SIGLEC12: variants seen among roughly 807,000 people sequenced by gnomAD.
SIGLEC12 encodes the protein sialic acid binding Ig like lectin 12.
SIGLEC12 carries 43 observed loss-of-function variants against 54.1 expected under a neutral mutation model. The observed-to-expected ratio is 0.80, with a 90% confidence interval of 0.62 to 1.03. The LOEUF is 1.03. Ranked by LOEUF, SIGLEC12 falls within the 50% of genes least tolerant of loss-of-function variation. SIGLEC12 has a pLI of 0.00. For synonymous variants in SIGLEC12, 357 were observed against 307.6 expected, an observed-to-expected ratio of 1.16 and a Z score of -1.68; for missense variants, 802 against 735.2, an observed-to-expected ratio of 1.09 and a Z score of -1.05.
chr19:51,499,172 G>T lies in SIGLEC12; in HGVS notation c.1133C>A (p.Thr378Lys). 6.2e-7 allele frequency: 1 copy of T among 1,614,024 alleles called. No individual in the cohort carries two copies. Among genetic ancestry groups the T allele is most frequent in the Non-Finnish European group, 8.5e-7 (1 of 1,179,906 alleles). The change falls in exon 4 of 8, where the codon ACA becomes AAA. Residue 378 changes from threonine (T) to lysine (K), a missense_variant and splice_region_variant. Thr to Lys is a moderately conservative substitution (Grantham distance 78). Coordinates refer to ENST00000291707, the MANE Select transcript of SIGLEC12 (RefSeq NM_053003.4). ...LTMTVFQGDG[T>K]ASTTLRNGSA... ...CCAGGGAGAGGACTCCATCTTACCT[G>T]TGCCATCTCCTTGGAAGACAGTCAT...
Position 51,499,602 on chromosome 19 carries a change from G to T in SIGLEC12, c.923C>A (p.Thr308Asn). 6.2e-7 allele frequency: 1 copy of T among 1,613,254 alleles called. No homozygotes were observed. The highest frequency in any genetic ancestry group is 8.5e-7 in the Non-Finnish European group (1 of 1,179,608). Reference protein sequence around the residue: ...ACEQGTPPTITWMGASVSSLD... With the variant: ...ACEQGTPPTINWMGASVSSLD... The stretch of plus-strand genomic sequence containing the variant: ...GGAGGACACGGAGGCCCCCATCCAG[G>T]TGATCGTGGGGGGCGTCCCCTGTTC... The change falls in exon 3 of 8, where the codon ACC becomes AAC. Residue 308 changes from threonine to asparagine, a missense_variant. Transcript: ENST00000291707.
At chr19:51,496,034 T>C (rs1411798783) in intron 7 of SIGLEC12, among the ~76,000 whole-genome samples, 2 of 151,852 alleles carry the variant, frequency 1.3e-5, no homozygotes, top group Non-Finnish European at 2.9e-5. Context: ...GAGGCAGGAG[T>C]GGCTGGAGGC....
chr19:51,500,442 T>C, intron 1 of SIGLEC12, 142 bp from the exon 2 acceptor site: 1 of 1,481,102 alleles, frequency 6.8e-7, no homozygotes, highest in East Asian at 2.4e-5. Flanking sequence ...GGGGCAGGGC[T>C]GTGGGACCCA....
Position 51,497,973 on chromosome 19 carries a change from G to C in SIGLEC12, c.1405+45C>G, listed in dbSNP as rs1166370646. 3 of 1,605,720 alleles carry C rather than the reference G, an allele frequency of 1.9e-6. No homozygotes were observed. In the Admixed American group the frequency reaches 5.1e-5, roughly 27 times the overall value. ...CCAGGTCTCCCAGCTGGACCCTGAG[G>C]GTGGGACATGTGTGTTCTCCTCCTC... On this transcript the variant is annotated intron_variant, in intron 5 of 7. Transcript: ENST00000291707.
intron 6 of SIGLEC12, among the ~76,000 whole-genome samples, 153 bp downstream of exon 6, chr19:51,497,196 G>T (rs1172619512): frequency 1.3e-5 from 2 of 152,150 alleles, no homozygotes; most frequent in Admixed American, 6.5e-5. Flanking sequence ...ACAAACAGGG[G>T]CGCTCATGAA....
At chr19:51,496,420 G>A (rs1045350245) in intron 7 of SIGLEC12, among the ~76,000 whole-genome samples, 6 of 152,078 alleles carry the variant, frequency 3.9e-5, no homozygotes, top group African/African-American at 9.7e-5. Flanking sequence ...AGCTGAGATC[G>A]CACCATCGCA....
rs759207067 is a variant in SIGLEC12 at position 51,500,060 on chromosome 19, A to G, written c.668T>C (p.Leu223Pro). 8.1e-6 allele frequency: 13 copies of G among 1,614,000 alleles called. No homozygotes were observed. In the Admixed American group the frequency reaches 1.7e-4, roughly 21 times the overall value. ...QEDTHGRFLL[L>P]GDPQTNNCSL... Reference sequence around the variant, plus strand: ...GCAGTTGTTGGTCTGTGGGTCCCCAAGGAGGAGGAATCGACCGTGGGTATC... The same window carrying G: ...GCAGTTGTTGGTCTGTGGGTCCCCAGGGAGGAGGAATCGACCGTGGGTATC... The change falls in exon 2 of 8, where the codon CTT becomes CCT. Residue 223 changes from leucine (L) to proline (P), a missense_variant. Physicochemically the swap from Leu to Pro is moderately conservative, Grantham distance 98. Transcript: ENST00000291707.
chr19:51,497,688 C>T (rs778380998), intron 5 of SIGLEC12, among the ~76,000 whole-genome samples: 4 of 152,174 alleles, frequency 2.6e-5, no homozygotes, highest in South Asian at 4.1e-4. Context: ...TTTTAATTTT[C>T]GAAAAGATAA....
At position 51,499,720 on chromosome 19, in the gene SIGLEC12, G is replaced by C; in HGVS notation, c.809-4C>G. 1 of 1,613,602 alleles carries C rather than the reference G, an allele frequency of 6.2e-7. No homozygotes were observed. Among genetic ancestry groups the C allele is most frequent in the Non-Finnish European group, 8.5e-7 (1 of 1,179,788 alleles). On this transcript the variant is annotated splice_region_variant and splice_polypyrimidine_tract_variant and intron_variant, in intron 2 of 7. Coordinates refer to ENST00000291707, the MANE Select transcript of SIGLEC12 (RefSeq NM_053003.4). ...AAGGTGGGCATGTGAGTCAGGGCTG[G>C]TGATGAAAGGGAGACAGGCAAAATG...
intron 7 of SIGLEC12, among the ~76,000 whole-genome samples, chr19:51,493,950 G>T (rs183338283): frequency 4.1e-4 from 62 of 152,328 alleles, no homozygotes; most frequent in African/African-American, 1.4e-3. Flanking sequence ...AGCCAGACAC[G>T]ATTCACACAC....
At chr19:51,498,804 C>T (rs1249726718) in intron 4 of SIGLEC12, among the ~76,000 whole-genome samples, 4 of 152,110 alleles carry the variant, frequency 2.6e-5, no homozygotes, top group Non-Finnish European at 5.9e-5. Flanking sequence ...CTCTGCTGTG[C>T]ATTATAAATT....
Position 51,491,602 on chromosome 19 carries a change from G to A in SIGLEC12, c.*39C>T, listed in dbSNP as rs747411180. 29 of 1,597,098 alleles carry A rather than the reference G, an allele frequency of 1.8e-5. No individual in the cohort carries two copies. The highest frequency in any genetic ancestry group is 2.3e-5 in the Non-Finnish European group (27 of 1,165,400). ...AGTCTCGGGCTTCTTTGCTGCAGGG[G>A]TCGTGAGCCCTCAAACAGGCCTGAG... On this transcript the variant is annotated 3_prime_UTR_variant, in exon 8 of 8. Coordinates refer to ENST00000291707, the MANE Select transcript of SIGLEC12 (RefSeq NM_053003.4).
intron 7 of SIGLEC12, among the ~76,000 whole-genome samples, chr19:51,496,271 C>T (rs1292950138): frequency 6.6e-6 from 1 of 152,126 alleles, no homozygotes; most frequent in Non-Finnish European, 1.5e-5. Flanking sequence ...GAGTTTGAGA[C>T]CAGCCTGACC....
At chr19:51,493,346 G>A (rs1990155069) in intron 7 of SIGLEC12, among the ~76,000 whole-genome samples, 1 of 152,144 alleles carries the variant, frequency 6.6e-6, no homozygotes, top group African/African-American at 2.4e-5. Flanking sequence ...TATCAGAGCA[G>A]CCCTGAGCTC....
At chr19:51,500,486 C>G in intron 1 of SIGLEC12, 186 bp from the exon 2 acceptor site, 1 of 1,003,946 alleles carries the variant, frequency 1.0e-6, no homozygotes, top group Non-Finnish European at 1.5e-6. Context: ...GACCTCAGCC[C>G]TGCATGGAAG....
At chr19:51,500,399 C>T (rs1201768480) in intron 1 of SIGLEC12, 99 bp from the exon 2 acceptor site, 2 of 1,599,496 alleles carry the variant, frequency 1.3e-6, no homozygotes, top group Non-Finnish European at 1.7e-6. Context: ...TTCCTGGGCT[C>T]CCTGTGTGAG....
At position 51,491,824 on chromosome 19, in the gene SIGLEC12, G is replaced by T; in HGVS notation, c.1605C>A (p.Pro535=). ...TGTCATCTGCCGGGGATTCAATCAGGGGTCCCTGAATGGAGGAAGAGAAGG... is the reference window on the plus strand; with the variant it reads ...TGTCATCTGCCGGGGATTCAATCAGTGGTCCCTGAATGGAGGAAGAGAAGG... ...NAVRGSASQG[P]LIESPADDSP... Residue 535 remains proline, a synonymous_variant, in exon 8 of 8, where the codon CCC becomes CCA. Transcript: ENST00000291707. The T allele has an allele frequency of 6.4e-7, 1 of 1,562,932 alleles. No homozygotes were observed. Among genetic ancestry groups the T allele is most frequent in the Non-Finnish European group, 8.6e-7 (1 of 1,156,852 alleles).
At position 51,501,629 on chromosome 19, in the gene SIGLEC12, C is replaced by T. The variant is rs1387483435; in HGVS notation, c.105G>A (p.Gln35=). Residue 35 remains glutamine (Q), a synonymous_variant, in exon 1 of 8, where the codon CAG becomes CAA. Coordinates refer to ENST00000291707, the MANE Select transcript of SIGLEC12 (RefSeq NM_053003.4). ...LLTMQKSVTV[Q]EGLCVSVLCS... Reference sequence around the variant, plus strand: ...AAAGCACAGAGACACACAGGCCCTCCTGCACCGTCACGGACTTCTGCATTG... The same window carrying T: ...AAAGCACAGAGACACACAGGCCCTCTTGCACCGTCACGGACTTCTGCATTG... 6.2e-7 allele frequency: 1 copy of T among 1,614,184 alleles called. No homozygotes were observed. Among genetic ancestry groups the T allele is most frequent in the Admixed American group, 1.7e-5 (1 of 60,024 alleles).
intron 3 of SIGLEC12, 65 bp from the exon 4 acceptor site, chr19:51,499,282 A>G (rs1990325417): frequency 1.9e-6 from 3 of 1,597,322 alleles, no homozygotes; most frequent in East Asian, 4.5e-5. Context: ...CTGTCTCCCC[A>G]GGAGCCCCAT....
Sources: gnomAD v4.1 joint callset for allele counts (sites outside exome capture counted in the v4.1 genomes callset) on GRCh38, gnomAD v4.1.1 for gene constraint, MANE v1.5 for transcripts, NCBI Gene and HGNC (gene_info 2026-07-23, HGNC 2026-07-21) for gene names.